ARHGAP15: variants seen among roughly 807,000 people sequenced by gnomAD.
The protein encoded by ARHGAP15 is Rho GTPase activating protein 15.
Under a neutral mutation model 63.7 loss-of-function variants are expected in ARHGAP15, and 51 were observed. That is an observed-to-expected ratio of 0.80 (90% CI 0.64 to 1.01). The LOEUF is 1.01. Among genes scored for constraint, ARHGAP15 ranks in the 50% least tolerant of loss-of-function variants. The pLI is 0.00. For missense variants in ARHGAP15, 560 were observed against 564.6 expected (o/e 0.99, Z 0.08); for synonymous variants, 191 against 193.8 (o/e 0.99, Z 0.12).
intron 6 of ARHGAP15, among the ~76,000 whole-genome samples, chr2:143,330,266 T>C (rs550345056): frequency 6.6e-6 from 1 of 151,784 alleles, no homozygotes; most frequent in African/African-American, 2.4e-5. Context: ...ATCTGTAAAA[T>C]ATAAATAATA....
At chr2:143,643,614 T>A (rs1334658688) in intron 12 of ARHGAP15, among the ~76,000 whole-genome samples, 1 of 151,992 alleles carries the variant, frequency 6.6e-6, no homozygotes, top group Non-Finnish European at 1.5e-5. Flanking sequence ...GTTATTAATA[T>A]GCAGGCAAAA....
At chr2:143,250,433 C>T (rs1354688793) in intron 5 of ARHGAP15, 78 bp from the exon 6 acceptor site, 8 of 1,112,958 alleles carry the variant, frequency 7.2e-6, no homozygotes, top group African/African-American at 3.2e-5. Context: ...TAGCTGCTAA[C>T]TCAATAAACT....
At chr2:143,654,741 C>T (rs918471635) in intron 12 of ARHGAP15, among the ~76,000 whole-genome samples, 1 of 152,128 alleles carries the variant, frequency 6.6e-6, no homozygotes, top group African/African-American at 2.4e-5. Flanking sequence ...GCTTCTTTCC[C>T]CCTTGCTAAA....
chr2:143,606,314 T>C (rs1698028125), intron 11 of ARHGAP15, among the ~76,000 whole-genome samples: 1 of 152,170 alleles, frequency 6.6e-6, no homozygotes, highest in South Asian at 2.1e-4. Flanking sequence ...ATTTACTATC[T>C]TCTAAAATGT....
At chr2:143,330,108 A>AAAAAAAAAAAAC (rs1684454296) in intron 6 of ARHGAP15, among the ~76,000 whole-genome samples, 1 of 82,766 alleles carries the variant, frequency 1.2e-5, no homozygotes, top group Non-Finnish European at 2.4e-5. Flanking sequence ...AAAAAAAAAA[A>AAAAAAAAAAAAC]AAAAAAAAAA....
At chr2:143,587,858 T>C (rs1297707918) in intron 11 of ARHGAP15, 1 of 405,614 alleles carries the variant, frequency 2.5e-6, no homozygotes, top group Non-Finnish European at 5.1e-6. Flanking sequence ...CAATCCCTAG[T>C]ATTGAGTGAT....
chr2:143,190,095 A>G (rs1691621460), intron 2 of ARHGAP15, among the ~76,000 whole-genome samples: 1 of 152,226 alleles, frequency 6.6e-6, no homozygotes, highest in African/African-American at 2.4e-5. Flanking sequence ...TGTTTTATTT[A>G]GCACTTGAAA....
chr2:143,200,421 C>T (rs1692067117), intron 2 of ARHGAP15, among the ~76,000 whole-genome samples: 1 of 142,932 alleles, frequency 7.0e-6, no homozygotes, highest in African/African-American at 2.6e-5. Flanking sequence ...TCTTCACAGA[C>T]ATTGATCTAA....
intron 8 of ARHGAP15, among the ~76,000 whole-genome samples, chr2:143,444,178 A>T (rs1690025743): frequency 6.6e-6 from 1 of 152,154 alleles, no homozygotes; most frequent in Non-Finnish European, 1.5e-5. Flanking sequence ...TCAATTTCTG[A>T]TTTCATTAGG....
At chr2:143,586,445 A>T (rs1697111614) in intron 11 of ARHGAP15, among the ~76,000 whole-genome samples, 1 of 151,950 alleles carries the variant, frequency 6.6e-6, no homozygotes, top group Non-Finnish European at 1.5e-5. Context: ...TACTAAAACT[A>T]TTCATAGACA....
rs139629273 is a variant in ARHGAP15 at position 143,554,144 on chromosome 2, G to A, written c.926-2264G>A. Among the ~76,000 whole-genome samples, 10 of 152,100 alleles carry A rather than the reference G, an allele frequency of 6.6e-5. No individual in the cohort carries two copies. The East Asian group carries it at 1.9e-3, about 29-fold the overall frequency. Reference sequence around the variant, plus strand: ...CACTGTAAATAGGACTAATTTGATTGATTTTTTAAAAAATTAGAATTTCTC... The same window carrying A: ...CACTGTAAATAGGACTAATTTGATTAATTTTTTAAAAAATTAGAATTTCTC... On this transcript the variant is annotated intron_variant, in intron 10 of 13. Transcript: ENST00000295095.
At chr2:143,179,184 A>G (rs1691127667) in intron 2 of ARHGAP15, among the ~76,000 whole-genome samples, 1 of 152,230 alleles carries the variant, frequency 6.6e-6, no homozygotes, top group Admixed American at 6.5e-5. Context: ...AGCTTCTACT[A>G]TTTACTGAGT....
chr2:143,449,568 G>C (rs190865923), intron 8 of ARHGAP15, among the ~76,000 whole-genome samples: 1 of 151,948 alleles, frequency 6.6e-6, no homozygotes, highest in Non-Finnish European at 1.5e-5. Context: ...TGTTTTACTC[G>C]TAGACTAAGT....
At chr2:143,547,527 T>C (rs1695382720) in intron 10 of ARHGAP15, among the ~76,000 whole-genome samples, 1 of 151,470 alleles carries the variant, frequency 6.6e-6, no homozygotes, top group African/African-American at 2.4e-5. Flanking sequence ...CTACTGCCTA[T>C]ACTTCCGGAT....
intron 2 of ARHGAP15, among the ~76,000 whole-genome samples, chr2:143,175,704 A>G (rs750277860): frequency 3.3e-5 from 5 of 152,156 alleles, no homozygotes; most frequent in Non-Finnish European, 7.4e-5. Flanking sequence ...ACTCTTTTAA[A>G]GTTGCTTCCT....
At chr2:143,555,097 G>T (rs983770647) in intron 10 of ARHGAP15, among the ~76,000 whole-genome samples, 7 of 152,146 alleles carry the variant, frequency 4.6e-5, no homozygotes, top group Admixed American at 4.6e-4. Context: ...ACATGGAAGA[G>T]TAAAAACTAT....
intron 9 of ARHGAP15, among the ~76,000 whole-genome samples, chr2:143,490,950 A>G (rs1049911505): frequency 6.6e-6 from 1 of 152,236 alleles, no homozygotes; most frequent in African/African-American, 2.4e-5. Context: ...TTTCTTTAAT[A>G]TGACTAAAGA....
At chr2:143,408,031 A>G (rs1431786146) in intron 6 of ARHGAP15, among the ~76,000 whole-genome samples, 10 of 120,078 alleles carry the variant, frequency 8.3e-5, no homozygotes, top group African/African-American at 3.2e-4. Flanking sequence ...ATATATATAT[A>G]TCCTTTTTCC....
intron 10 of ARHGAP15, among the ~76,000 whole-genome samples, chr2:143,538,935 G>GT (rs1559037102): frequency 6.6e-6 from 1 of 152,198 alleles, no homozygotes; most frequent in African/African-American, 2.4e-5. Context: ...CTCTTGATTG[G>GT]TATAGTTTCA....
Sources: gnomAD v4.1 joint callset for allele counts (sites outside exome capture counted in the v4.1 genomes callset) on GRCh38, gnomAD v4.1.1 for gene constraint, MANE v1.5 for transcripts, NCBI Gene and HGNC (gene_info 2026-07-23, HGNC 2026-07-21) for gene names.